The following COBLL1 variants were observed in gnomAD, a reference collection of about 807,000 sequenced individuals.
COBLL1 encodes the protein cordon-bleu protein-like 1.
COBLL1 carries 50 observed loss-of-function variants against 94.8 expected under a neutral mutation model. The observed-to-expected ratio is 0.53, with a 90% confidence interval of 0.42 to 0.67. The LOEUF is 0.67. Among genes scored for constraint, COBLL1 ranks in the 30% least tolerant of loss-of-function variants. The pLI is 0.00. For missense variants in COBLL1, 1,362 were observed against 1,348.7 expected, an observed-to-expected ratio of 1.01 and a Z score of -0.15; for synonymous variants, 448 against 473.8, an observed-to-expected ratio of 0.95 and a Z score of 0.71.
In COBLL1 at chr2:164,812,036, A is replaced by G. The variant is rs572536771; in HGVS notation, c.41+29120T>C. 4.6e-5 allele frequency among the ~76,000 whole-genome samples: 7 copies of G among 152,010 alleles called. No homozygotes were observed. In the South Asian group the frequency reaches 1.5e-3, roughly 31 times the overall value. On this transcript the variant is annotated intron_variant, in intron 2 of 13. Transcript: ENST00000652658. Reference sequence around the variant, plus strand: ...GATTAGATTCCAATTTGTAGTAACCATGACAACCCATTTCAAACTAAGGCT... The same window carrying G: ...GATTAGATTCCAATTTGTAGTAACCGTGACAACCCATTTCAAACTAAGGCT...
At chr2:164,679,953 A>C (rs1450340275), downstream of COBLL1, among the ~76,000 whole-genome samples, 2 of 151,340 alleles carry the variant, frequency 1.3e-5, no homozygotes, top group Non-Finnish European at 2.9e-5. Context: ...AATAATAATA[A>C]TAATAATAAT....
chr2:164,658,841 G>A (rs1004367359), intron 2 of COBLL1, among the ~76,000 whole-genome samples: 2 of 152,136 alleles, frequency 1.3e-5, no homozygotes, highest in African/African-American at 4.8e-5. Context: ...TGGTTTCCTG[G>A]AGGGGATTAC....
At chr2:164,673,454 C>G (rs966208536) in intron 1 of COBLL1, among the ~76,000 whole-genome samples, 1 of 152,126 alleles carries the variant, frequency 6.6e-6, no homozygotes, top group Admixed American at 6.5e-5. Context: ...GCAGGCACAT[C>G]ACTTGAGATC....
At chr2:164,824,023 T>C (rs1276698139) in intron 2 of COBLL1, among the ~76,000 whole-genome samples, 1 of 152,190 alleles carries the variant, frequency 6.6e-6, no homozygotes, top group Non-Finnish European at 1.5e-5. Context: ...AAATAGCCTA[T>C]AATATAATCC....
intron 2 of COBLL1, among the ~76,000 whole-genome samples, chr2:164,788,319 T>C (rs1682984909): frequency 6.6e-6 from 1 of 152,180 alleles, no homozygotes; most frequent in Non-Finnish European, 1.5e-5. Flanking sequence ...GATGTGACAT[T>C]TGGAGCTGCT....
rs565176996 is a variant in COBLL1, at chr2:164,832,215, G to A, written c.41+8941C>T. Among the ~76,000 whole-genome samples the A allele has an allele frequency of 2.0e-5, 3 of 152,262 alleles. No individual in the cohort carries two copies. In the South Asian group the frequency reaches 6.2e-4, roughly 32 times the overall value. ...GTCGATAAATGTCTCACCTAGATTT[G>A]AGCATCTTAACTCTACTTCCTTAAA... On this transcript the variant is annotated intron_variant, in intron 2 of 13. Coordinates refer to ENST00000652658, the MANE Select transcript of COBLL1 (RefSeq NM_001365672.2).
At chr2:164,704,386 C>T in intron 9 of COBLL1, 58 bp downstream of exon 9, 3 of 1,155,654 alleles carry the variant, frequency 2.6e-6, no homozygotes, top group South Asian at 1.3e-5. Context: ...ACTCATTTCT[C>T]AATTATCATG....
chr2:164,734,338 T>C (rs72880621), intron 3 of COBLL1, among the ~76,000 whole-genome samples: 2,097 of 152,154 alleles, frequency 0.014, 21 homozygotes, highest in Non-Finnish European at 0.022. Flanking sequence ...ACAAAAACCC[T>C]GAGGCAGGAA....
At chr2:164,665,338 A>AG (rs1691138764) in intron 2 of COBLL1, among the ~76,000 whole-genome samples, 1 of 147,976 alleles carries the variant, frequency 6.8e-6, no homozygotes, top group South Asian at 2.2e-4. Context: ...GTCAAAAAAA[A>AG]AAAGAAAGAA....
intron 2 of COBLL1, among the ~76,000 whole-genome samples, chr2:164,769,870 C>T (rs965436517): frequency 6.6e-6 from 1 of 152,060 alleles, no homozygotes; most frequent in Non-Finnish European, 1.5e-5. Flanking sequence ...ATTCAAAGAA[C>T]CAACAGTTTA....
At chr2:164,791,407 T>C (rs1683182919) in intron 2 of COBLL1, among the ~76,000 whole-genome samples, 2 of 152,030 alleles carry the variant, frequency 1.3e-5, no homozygotes, top group African/African-American at 2.4e-5. Flanking sequence ...TAATGACAGC[T>C]GGGAGTGAGG....
rs372954755 is a variant in COBLL1, at chr2:164,788,380, G to A, written c.42-44505C>T. Among the ~76,000 whole-genome samples, 18 of 151,980 alleles carry A rather than the reference G, an allele frequency of 1.2e-4. No individual in the cohort carries two copies. In the East Asian group the frequency reaches 3.3e-3, roughly 28 times the overall value. The stretch of plus-strand genomic sequence containing the variant: ...AAGGCCTAGGTTCAAACACAACTCT[G>A]TACCTTTAAAAAAAAAATCTACAAG... On this transcript the variant is annotated intron_variant, in intron 2 of 13. Coordinates refer to ENST00000652658, the MANE Select transcript of COBLL1 (RefSeq NM_001365672.2).
At chr2:164,826,759 G>T (rs565825709) in intron 2 of COBLL1, among the ~76,000 whole-genome samples, 1 of 152,298 alleles carries the variant, frequency 6.6e-6, no homozygotes, top group African/African-American at 2.4e-5. Context: ...AGTGCCAAGT[G>T]CACTGTTTCA....
At chr2:164,822,730 TATTA>T (rs1220044142) in intron 2 of COBLL1, among the ~76,000 whole-genome samples, 38 of 72,452 alleles carry the variant, frequency 5.2e-4, no homozygotes, top group African/African-American at 2.4e-3. Context: ...GAAAAGATTA[TATTA>T]TATTATTATT....
chr2:164,723,748 T>A (rs969387076), intron 5 of COBLL1: 2 of 152,048 alleles, frequency 1.3e-5, no homozygotes, highest in African/African-American at 4.8e-5. Context: ...TGAAAGGAAA[T>A]CATCCAACTT....
At chr2:164,770,927 C>T (rs1194407738) in intron 2 of COBLL1, among the ~76,000 whole-genome samples, 2 of 151,884 alleles carry the variant, frequency 1.3e-5, no homozygotes, top group African/African-American at 4.8e-5. Flanking sequence ...GAGCTAAAAT[C>T]CTAATTTACA....
At chr2:164,821,013 G>A (rs767009547) in intron 2 of COBLL1, among the ~76,000 whole-genome samples, 21 of 151,930 alleles carry the variant, frequency 1.4e-4, no homozygotes, top group Non-Finnish European at 2.2e-4. Context: ...TCAGCCTCCC[G>A]AGTAGCTGGG....
At chr2:164,771,115 AT>A (rs1688180765) in intron 2 of COBLL1, among the ~76,000 whole-genome samples, 1 of 152,054 alleles carries the variant, frequency 6.6e-6, no homozygotes, top group Non-Finnish European at 1.5e-5. Context: ...AAATATAAAA[AT>A]TTTATCTCAA....
Position 164,841,281 on chromosome 2 carries a change from C to A in COBLL1, c.-50-35G>T, listed in dbSNP as rs1327630251. The A allele has an allele frequency of 3.3e-6, 4 of 1,219,516 alleles. No individual in the cohort carries two copies. In the African/African-American group the frequency reaches 6.3e-5, roughly 19 times the overall value. 75.5% of individuals were successfully genotyped at this position (1,219,516 alleles called of 1,614,324 possible). A position where few individuals can be genotyped will look rare whatever the true frequency, so the allele number is the denominator to read the frequency against. On this transcript the variant is annotated intron_variant, in intron 1 of 13. Transcript: ENST00000652658. The surrounding 1 kb of genome is among the most constrained non-coding windows in gnomAD (Gnocchi z 5.5). ...GAGAGGCCGGCGGGTCAGGGCGGGA[C>A]GCGCGCCTTCCCGAGGCCGGAGCGA...
Sources: gnomAD v4.1 joint callset for allele counts (sites outside exome capture counted in the v4.1 genomes callset) on GRCh38, gnomAD v4.1.1 for gene constraint, Gnocchi (gnomAD v3.1) non-coding constraint, MANE v1.5 for transcripts, NCBI Gene and HGNC (gene_info 2026-07-23, HGNC 2026-07-21) for gene names.